Variants in EPAS1 observed in about 807,000 individuals in gnomAD.
The protein encoded by EPAS1 is endothelial PAS domain-containing protein 1.
In EPAS1, 23 loss-of-function variants were observed where a neutral mutation model predicts 87.9. The ratio of observed to expected loss-of-function variants is 0.26; its 90% CI spans 0.19 to 0.37. The LOEUF is 0.37. Ranked by LOEUF, EPAS1 falls within the 10% of genes least tolerant of loss-of-function variation. The pLI is 1.00. For missense variants in EPAS1, 1,138 were observed against 1,120.7 expected (o/e 1.02, Z -0.22); for synonymous variants, 508 against 444.3 (o/e 1.14, Z -1.80).
At chr2:46,333,207 C>A (rs555816984) in intron 1 of EPAS1, among the ~76,000 whole-genome samples, 2 of 152,200 alleles carry the variant, frequency 1.3e-5, no homozygotes, top group African/African-American at 4.8e-5. Context: ...ACCCCCACAG[C>A]TGGGGGACCG....
intron 14 of EPAS1, 85 bp downstream of exon 14, chr2:46,382,174 A>G (rs1684913765): frequency 7.7e-7 from 1 of 1,302,292 alleles, no homozygotes; most frequent in Non-Finnish European, 1.1e-6. Flanking sequence ...TCTTCCATTC[A>G]CCACAGGCCG....
rs1036227172 is a variant in EPAS1, at chr2:46,360,033, C to A, written c.455-605C>A. 1.1e-4 allele frequency among the ~76,000 whole-genome samples: 16 copies of A among 152,292 alleles called. 1 individual carries two copies. The highest frequency in any genetic ancestry group is 2.2e-4 in the Non-Finnish European group (15 of 68,022). ...TCACCAAGTCCACTGTAAGGAGATT[C>A]GTACCAGAGTTCTCTCTAGAGCCTT... On this transcript the variant is annotated intron_variant, in intron 4 of 15. Transcript: ENST00000263734. This position sits in a 1 kb window ranked among gnomAD's most constrained non-coding sequence, Gnocchi z 4.5.
intron 2 of EPAS1, 22 bp from the exon 3 acceptor site, chr2:46,356,129 T>TGG: frequency 1.3e-5 from 16 of 1,242,666 alleles, no homozygotes; most frequent in Middle Eastern, 2.2e-4. Context: ...ATGCAAGCTG[T>TGG]CCCACCCCCC....
intron 7 of EPAS1, among the ~76,000 whole-genome samples, chr2:46,373,398 T>C (rs1016601294): frequency 2.6e-5 from 4 of 152,158 alleles, no homozygotes; most frequent in African/African-American, 9.7e-5. Context: ...AACAGGCAGA[T>C]GGATAAACAA....
chr2:46,301,375 G>C (rs1384540987), intron 1 of EPAS1, among the ~76,000 whole-genome samples: 1 of 152,094 alleles, frequency 6.6e-6, no homozygotes, highest in Non-Finnish European at 1.5e-5. Flanking sequence ...AGGAGTTCAA[G>C]ACCAGCCTGG....
chr2:46,302,784 A>G (rs1366338889), intron 1 of EPAS1, among the ~76,000 whole-genome samples: 2 of 150,820 alleles, frequency 1.3e-5, no homozygotes, highest in Non-Finnish European at 3.0e-5. Context: ...TTAAGTAAAA[A>G]TATAAGGGGT....
Position 46,347,434 on chromosome 2 carries a change from C to T in EPAS1, c.217+371C>T. The T allele has an allele frequency of 2.9e-6, 1 of 342,072 alleles. No individual in the cohort carries two copies. The highest frequency in any genetic ancestry group is 5.6e-6 in the Non-Finnish European group (1 of 177,538). 21.2% of individuals were successfully genotyped at this position (342,072 alleles called of 1,614,324 possible). On this transcript the variant is annotated intron_variant, in intron 2 of 15. Coordinates refer to ENST00000263734, the MANE Select transcript of EPAS1 (RefSeq NM_001430.5). The surrounding 1 kb of genome is among the most constrained non-coding windows in gnomAD (Gnocchi z 4.2). ...TGAGTCCGCAGGAAGCATTCTAATC[C>T]TTAACTTCCAGTGCCTTCTCCAGAA...
At chr2:46,374,907 A>C (rs552045861) in intron 7 of EPAS1, among the ~76,000 whole-genome samples, 1 of 152,314 alleles carries the variant, frequency 6.6e-6, no homozygotes, top group Admixed American at 6.5e-5. Flanking sequence ...GAAAAACCTC[A>C]TAAGTAGGAA....
In EPAS1 at chr2:46,361,202, G is replaced by C. The variant is rs1032114882; in HGVS notation, c.779+112G>C. 4.1e-6 allele frequency: 5 copies of C among 1,224,078 alleles called. No homozygotes were observed. The African/African-American group carries it at 6.0e-5, about 15-fold the overall frequency. The allele number at this position is 1,224,078 out of a possible 1,614,324, so 75.8% of individuals were successfully genotyped here. On this transcript the variant is annotated intron_variant, in intron 6 of 15. Coordinates refer to ENST00000263734, the MANE Select transcript of EPAS1 (RefSeq NM_001430.5). The stretch of plus-strand genomic sequence containing the variant: ...ACTGAACATAGACGTGGTATTGCCG[G>C]GTGCATGTTCGTGGACCTGTGCCAC...
At chr2:46,367,860 A>G (rs549299186) in intron 6 of EPAS1, among the ~76,000 whole-genome samples, 1 of 152,346 alleles carries the variant, frequency 6.6e-6, no homozygotes, top group African/African-American at 2.4e-5. Flanking sequence ...GACTTACAGA[A>G]TGAAGAAAGG....
At position 46,376,723 on chromosome 2, in the gene EPAS1, C is replaced by G. The variant is rs547654664; in HGVS notation, c.1219C>G (p.Pro407Ala). ...PEELAQLAPTPGDAIISLDFG... is the reference protein window; with the variant it reads ...PEELAQLAPTAGDAIISLDFG... ...GGAGCTGGCCCAGCTGGCTCCCACCCCAGGAGACGCCATCATCTCTCTGGA... is the reference window on the plus strand; with the variant it reads ...GGAGCTGGCCCAGCTGGCTCCCACCGCAGGAGACGCCATCATCTCTCTGGA... Residue 407 changes from proline (P) to alanine (A), a missense_variant, in exon 9 of 16, where the codon CCA (proline) becomes GCA (alanine). Pro to Ala is a conservative substitution (Grantham distance 27, BLOSUM62 -1). Coordinates refer to ENST00000263734, the MANE Select transcript of EPAS1 (RefSeq NM_001430.5). 1 of 1,612,776 alleles carries G rather than the reference C, an allele frequency of 6.2e-7. No homozygotes were observed. Among genetic ancestry groups the G allele is most frequent in the East Asian group, 2.2e-5 (1 of 44,880 alleles).
chr2:46,378,194 C>A (rs2103668131), intron 10 of EPAS1, 107 bp downstream of exon 10: 1 of 1,504,324 alleles, frequency 6.6e-7, no homozygotes, highest in South Asian at 1.3e-5. Context: ...CTCAGGTTAT[C>A]ACAGAGCCCC....
chr2:46,303,283 C>T (rs888665769), intron 1 of EPAS1, among the ~76,000 whole-genome samples: 4 of 152,130 alleles, frequency 2.6e-5, no homozygotes, highest in African/African-American at 9.7e-5. Context: ...TCCCCGGAAC[C>T]ACACAGAGTA....
chr2:46,375,550 C>G lies in EPAS1; in HGVS notation c.887-140C>G. 1 of 1,008,468 alleles carries G rather than the reference C, an allele frequency of 9.9e-7. No individual in the cohort carries two copies. Among genetic ancestry groups the G allele is most frequent in the East Asian group, 2.6e-5 (1 of 38,106 alleles). The allele number at this position is 1,008,468 out of a possible 1,614,324, so 62.5% of individuals were successfully genotyped here. A position where few individuals can be genotyped will look rare whatever the true frequency, so the allele number is the denominator to read the frequency against. On this transcript the variant is annotated intron_variant, in intron 7 of 15. Coordinates refer to ENST00000263734, the MANE Select transcript of EPAS1 (RefSeq NM_001430.5). The surrounding 1 kb of genome is among the most constrained non-coding windows in gnomAD (Gnocchi z 4.1). ...TCCCTAAGCTCCCTCCCAGGTCACT[C>G]TCCCTGGTCCTCACTGTCGTGGCGC...
At chr2:46,365,916 TAGC>T (rs1291796012) in intron 6 of EPAS1, among the ~76,000 whole-genome samples, 5 of 152,260 alleles carry the variant, frequency 3.3e-5, no homozygotes, top group Admixed American at 1.3e-4. Flanking sequence ...AAGTATTTAT[TAGC>T]AGATACATTC....
intron 1 of EPAS1, among the ~76,000 whole-genome samples, chr2:46,302,710 C>T (rs1683032117): frequency 7.4e-6 from 1 of 134,616 alleles, no homozygotes; most frequent in Non-Finnish European, 1.5e-5. Flanking sequence ...TGGTCCTGGT[C>T]ATCAAGTTGC....
At chr2:46,344,396 C>T (rs1482439142) in intron 1 of EPAS1, among the ~76,000 whole-genome samples, 1 of 152,218 alleles carries the variant, frequency 6.6e-6, no homozygotes, top group African/African-American at 2.4e-5. Flanking sequence ...CCCTTGGCCC[C>T]TGATGACGAG....
intron 1 of EPAS1, among the ~76,000 whole-genome samples, chr2:46,323,421 C>G (rs1427220048): frequency 6.6e-6 from 1 of 152,176 alleles, no homozygotes; most frequent in Non-Finnish European, 1.5e-5. Flanking sequence ...ATAAACAAGA[C>G]TGAATTATGT....
At chr2:46,373,587 T>C (rs1043716731) in intron 7 of EPAS1, among the ~76,000 whole-genome samples, 1 of 152,022 alleles carries the variant, frequency 6.6e-6, no homozygotes, top group African/African-American at 2.4e-5. Flanking sequence ...TTCGAATATA[T>C]AGTGGCAAAA....
Sources: gnomAD v4.1 joint callset for allele counts (sites outside exome capture counted in the v4.1 genomes callset) on GRCh38, gnomAD v4.1.1 for gene constraint, Gnocchi (gnomAD v3.1) non-coding constraint, MANE v1.5 for transcripts, NCBI Gene and HGNC (gene_info 2026-07-23, HGNC 2026-07-21) for gene names.